Variants in MARCHF4 observed in about 807,000 individuals in gnomAD.
MARCHF4 encodes the protein membrane associated ring-CH-type finger 4.
In MARCHF4, 14 loss-of-function variants were observed where a neutral mutation model predicts 43.9. The ratio of observed to expected loss-of-function variants is 0.32; its 90% CI spans 0.21 to 0.50. The LOEUF is 0.50. Ranked by LOEUF, MARCHF4 falls within the 20% of genes least tolerant of loss-of-function variation. MARCHF4 has a pLI of 0.98. For missense variants in MARCHF4, 468 were observed against 536.7 expected, an observed-to-expected ratio of 0.87 and a Z score of 1.27; for synonymous variants, 226 against 213.3, an observed-to-expected ratio of 1.06 and a Z score of -0.52.
At chr2:216,287,034 C>T (rs568027344) in intron 1 of MARCHF4, among the ~76,000 whole-genome samples, 1 of 152,322 alleles carries the variant, frequency 6.6e-6, no homozygotes, top group East Asian at 1.9e-4. Context: ...AGCTTCACCA[C>T]CCGCTGTGCT....
chr2:216,352,324 G>C (rs1692415292), intron 1 of MARCHF4, among the ~76,000 whole-genome samples: 1 of 152,206 alleles, frequency 6.6e-6, no homozygotes, highest in Non-Finnish European at 1.5e-5. Flanking sequence ...GCCAGGGCCT[G>C]CACAGATGGA....
At chr2:216,267,038 C>T (rs1014634486) in intron 3 of MARCHF4, among the ~76,000 whole-genome samples, 2 of 152,176 alleles carry the variant, frequency 1.3e-5, no homozygotes, top group African/African-American at 4.8e-5. Flanking sequence ...CCAAGGATTG[C>T]CCTTTGGAAA....
intron 1 of MARCHF4, among the ~76,000 whole-genome samples, chr2:216,292,737 C>T (rs1046329526): frequency 3.6e-4 from 55 of 152,122 alleles, no homozygotes; most frequent in Middle Eastern, 3.4e-3. Flanking sequence ...GGAAAGGGTT[C>T]GGCGGGGGAG....
At chr2:216,319,284 G>A (rs1166431601) in intron 1 of MARCHF4, among the ~76,000 whole-genome samples, 1 of 152,044 alleles carries the variant, frequency 6.6e-6, no homozygotes, top group Non-Finnish European at 1.5e-5. Context: ...TTCCAGCCTG[G>A]GCAACAGAGT....
intron 1 of MARCHF4, among the ~76,000 whole-genome samples, chr2:216,364,474 C>T (rs973237492): frequency 6.6e-6 from 1 of 152,208 alleles, no homozygotes; most frequent in South Asian, 2.1e-4. Context: ...TCAGCTGCAC[C>T]TCTCCCCACA....
chr2:216,288,258 C>T (rs1368712315), intron 1 of MARCHF4, among the ~76,000 whole-genome samples: 1 of 152,208 alleles, frequency 6.6e-6, no homozygotes. Flanking sequence ...AGCCATTGTG[C>T]CTGGCCTGTA....
intron 1 of MARCHF4, among the ~76,000 whole-genome samples, chr2:216,328,086 C>T (rs1692024668): frequency 6.6e-6 from 1 of 152,138 alleles, no homozygotes; most frequent in Non-Finnish European, 1.5e-5. Context: ...TCATACAGTG[C>T]TTTTACATCT....
chr2:216,340,448 G>A (rs977296862), intron 1 of MARCHF4, among the ~76,000 whole-genome samples: 2 of 152,220 alleles, frequency 1.3e-5, no homozygotes, highest in African/African-American at 4.8e-5. Flanking sequence ...AGAGAAGGGA[G>A]AGGAAGAGGC....
At chr2:216,303,530 G>A (rs976218715) in intron 1 of MARCHF4, 1 of 152,312 alleles carries the variant, frequency 6.6e-6, no homozygotes, top group Non-Finnish European at 1.5e-5. Context: ...CTGAAATGAA[G>A]TATGGCTGGG....
rs181355443 is a variant in MARCHF4 at position 216,346,062 on chromosome 2, G to A, written c.516+23683C>T. On this transcript the variant is annotated intron_variant, in intron 1 of 3. Transcript: ENST00000273067. ...ACTCAGTATTTGAGTGTTGTCTCTC[G>A]GGCTTAACAGTCTACAGTGTAGTTA... is the stretch of plus-strand genomic sequence containing the variant. Among the ~76,000 whole-genome samples the A allele has an allele frequency of 7.9e-5, 12 of 152,164 alleles. No individual in the cohort carries two copies. The East Asian group carries it at 9.6e-4, about 12-fold the overall frequency.
At chr2:216,356,944 A>C (rs1348288462) in intron 1 of MARCHF4, among the ~76,000 whole-genome samples, 1 of 151,634 alleles carries the variant, frequency 6.6e-6, no homozygotes, top group Non-Finnish European at 1.5e-5. Context: ...AATTACTTAA[A>C]CCTGGGAGGC....
chr2:216,352,530 T>G (rs1692418402), intron 1 of MARCHF4, among the ~76,000 whole-genome samples: 1 of 152,102 alleles, frequency 6.6e-6, no homozygotes, highest in Non-Finnish European at 1.5e-5. Context: ...TTTGTTGTTG[T>G]TTTTTTAATA....
At chr2:216,312,964 T>C (rs555534955) in intron 1 of MARCHF4, among the ~76,000 whole-genome samples, 1 of 152,186 alleles carries the variant, frequency 6.6e-6, no homozygotes, top group Non-Finnish European at 1.5e-5. Context: ...CCTAGACCAA[T>C]GTCCAGGGAG....
chr2:216,340,045 C>G (rs1260722731), intron 1 of MARCHF4, among the ~76,000 whole-genome samples: 1 of 152,202 alleles, frequency 6.6e-6, no homozygotes, highest in South Asian at 2.1e-4. Context: ...AATTTCCAGC[C>G]GTTATCCGCC....
chr2:216,303,557 G>A (rs78019365), intron 1 of MARCHF4: 10,444 of 152,334 alleles, frequency 0.069, 1,179 homozygotes, highest in African/African-American at 0.24. Context: ...GACTGGGAGT[G>A]CAGTTACAGA....
chr2:216,366,913 C>T (rs1253136100), intron 1 of MARCHF4, among the ~76,000 whole-genome samples: 2 of 152,210 alleles, frequency 1.3e-5, no homozygotes, highest in Non-Finnish European at 2.9e-5. Context: ...AACGGGCACA[C>T]TGCAGGTGCC....
chr2:216,297,920 T>C (rs1691423097), intron 1 of MARCHF4, among the ~76,000 whole-genome samples: 1 of 152,256 alleles, frequency 6.6e-6, no homozygotes, highest in Non-Finnish European at 1.5e-5. Flanking sequence ...ACACACTCTC[T>C]CAAATCCAGA....
Position 216,337,084 on chromosome 2 carries a change from G to A in MARCHF4, c.516+32661C>T, listed in dbSNP as rs150345200. 3.0e-3 allele frequency among the ~76,000 whole-genome samples: 451 copies of A among 151,644 alleles called. 2 individuals carry two copies. The highest frequency in any genetic ancestry group is 9.7e-3 in the African/African-American group (402 of 41,326). ...GGAGAATCGCTGGAACCTGGGAGAC[G>A]GAGGTTGCAGTGAGCTGAGATCATG... is the stretch of plus-strand genomic sequence containing the variant. On this transcript the variant is annotated intron_variant, in intron 1 of 3. Coordinates refer to ENST00000273067, the MANE Select transcript of MARCHF4 (RefSeq NM_020814.3).
chr2:216,292,441 G>A (rs57534307), intron 1 of MARCHF4, among the ~76,000 whole-genome samples: 1,642 of 152,348 alleles, frequency 0.011, 31 homozygotes, highest in African/African-American at 0.037. Context: ...ATGTGTATTA[G>A]TGTGGGGAGG....
Sources: gnomAD v4.1 joint callset for allele counts (sites outside exome capture counted in the v4.1 genomes callset) on GRCh38, gnomAD v4.1.1 for gene constraint, MANE v1.5 for transcripts, NCBI Gene and HGNC (gene_info 2026-07-23, HGNC 2026-07-21) for gene names.